THSD7B: variants seen among roughly 807,000 people sequenced by gnomAD.
The protein encoded by THSD7B is thrombospondin type-1 domain-containing protein 7B.
Under a neutral mutation model 213.6 loss-of-function variants are expected in THSD7B, and 138 were observed. The ratio of observed to expected loss-of-function variants is 0.65; its 90% CI spans 0.56 to 0.74. The LOEUF (loss-of-function observed/expected upper bound fraction) is 0.74. Among genes scored for constraint, THSD7B ranks in the 30% least tolerant of loss-of-function variants. THSD7B has a pLI of 0.00. For synonymous variants in THSD7B, 742 were observed against 687.0 expected (o/e 1.08, Z -1.25); for missense variants, 1,931 against 1,991.5 (o/e 0.97, Z 0.58).
intron 12 of THSD7B, among the ~76,000 whole-genome samples, chr2:137,332,138 G>T (rs1050579609): frequency 9.2e-5 from 14 of 152,072 alleles, no homozygotes; most frequent in African/African-American, 3.1e-4. Context: ...GCGAGCGAGG[G>T]CTATGAGGAC....
At chr2:137,175,502 T>G (rs777184061) in intron 7 of THSD7B, among the ~76,000 whole-genome samples, 18 of 152,234 alleles carry the variant, frequency 1.2e-4, no homozygotes, top group Non-Finnish European at 2.2e-4. Flanking sequence ...GCATTTTCCA[T>G]GCAAATATTT....
intron 15 of THSD7B, among the ~76,000 whole-genome samples, chr2:137,497,855 A>G (rs1289507601): frequency 6.6e-6 from 1 of 152,174 alleles, no homozygotes; most frequent in Non-Finnish European, 1.5e-5. Context: ...AGGGTAAACT[A>G]ATATTGGTTT....
chr2:137,452,067 A>T lies in THSD7B; in HGVS notation c.3138+1044A>T, dbSNP rs958944710. On this transcript the variant is annotated intron_variant, in intron 15 of 27. Coordinates refer to ENST00000409968, the MANE Select transcript of THSD7B (RefSeq NM_001316349.2). ...AGACTTGAATATCATGTATCAATTC[A>T]AGACCAATCTCTTTAGCTATTTTTT... The T allele has an allele frequency of 6.3e-6, 6 of 947,100 alleles. No homozygotes were observed. The East Asian group carries it at 4.6e-4, about 73-fold the overall frequency. The allele number at this position is 947,100 out of a possible 1,614,324, so 58.7% of individuals were successfully genotyped here. A position where few individuals can be genotyped will look rare whatever the true frequency, so the allele number is the denominator to read the frequency against.
chr2:137,669,439 T>TC (rs1032048398), intron 27 of THSD7B, among the ~76,000 whole-genome samples: 3 of 151,736 alleles, frequency 2.0e-5, no homozygotes, highest in Non-Finnish European at 2.9e-5. Context: ...TAGAATCAAT[T>TC]TTTTTTTTAC....
chr2:136,949,009 T>TAG (rs1684990185), intron 2 of THSD7B, among the ~76,000 whole-genome samples: 1 of 152,232 alleles, frequency 6.6e-6, no homozygotes, highest in South Asian at 2.1e-4. Flanking sequence ...GGTCTCACTC[T>TAG]GTTTCCTAGG....
At chr2:137,258,502 A>G (rs1002835329) in intron 10 of THSD7B, among the ~76,000 whole-genome samples, 1 of 152,010 alleles carries the variant, frequency 6.6e-6, no homozygotes, top group African/African-American at 2.4e-5. Context: ...ATATTACATT[A>G]GATGACCCCC....
chr2:137,244,282 A>C (rs1681975688), intron 10 of THSD7B, among the ~76,000 whole-genome samples: 1 of 152,208 alleles, frequency 6.6e-6, no homozygotes, highest in African/African-American at 2.4e-5. Context: ...TTAGCTTCTT[A>C]TTCATGAGAG....
intron 2 of THSD7B, among the ~76,000 whole-genome samples, chr2:136,898,419 G>A (rs567631042): frequency 7.9e-5 from 12 of 152,072 alleles, no homozygotes; most frequent in South Asian, 4.2e-4. Flanking sequence ...TGATCTGCCC[G>A]CCTCCGTCTT....
At chr2:137,444,413 A>AT (rs1285475522) in intron 14 of THSD7B, among the ~76,000 whole-genome samples, 1 of 151,984 alleles carries the variant, frequency 6.6e-6, no homozygotes, top group African/African-American at 2.4e-5. Context: ...TAATTTTGCA[A>AT]TTTTTTCTTC....
intron 14 of THSD7B, among the ~76,000 whole-genome samples, chr2:137,429,663 G>C (rs999876663): frequency 6.6e-6 from 1 of 152,160 alleles, no homozygotes; most frequent in Non-Finnish European, 1.5e-5. Flanking sequence ...TATAAACAGC[G>C]TCTCAGAATA....
intron 11 of THSD7B, among the ~76,000 whole-genome samples, chr2:137,274,026 A>G (rs1040794143): frequency 6.6e-5 from 10 of 152,100 alleles, no homozygotes; most frequent in African/African-American, 2.4e-4. Context: ...TTGCACTTCA[A>G]TTTAGCTACT....
intron 14 of THSD7B, among the ~76,000 whole-genome samples, chr2:137,432,826 T>G (rs771841612): frequency 5.3e-5 from 8 of 152,148 alleles, no homozygotes; most frequent in Non-Finnish European, 7.4e-5. Context: ...TCAAGAAGCC[T>G]TTTCCTCAAC....
chr2:137,004,689 C>T (rs16837812), intron 2 of THSD7B, among the ~76,000 whole-genome samples: 8,619 of 152,150 alleles, frequency 0.057, 347 homozygotes, highest in East Asian at 0.12. Context: ...ATCTCAAATT[C>T]GGGTAAAATA....
chr2:137,196,161 A>G (rs1207236059), intron 7 of THSD7B, among the ~76,000 whole-genome samples: 1 of 152,170 alleles, frequency 6.6e-6, no homozygotes, highest in Non-Finnish European at 1.5e-5. Context: ...TATAAAATCA[A>G]AGAGAGACTT....
intron 6 of THSD7B, among the ~76,000 whole-genome samples, chr2:137,168,935 A>G (rs1392684731): frequency 6.6e-6 from 1 of 152,140 alleles, no homozygotes; most frequent in Admixed American, 6.5e-5. Flanking sequence ...TTAGGAAGCA[A>G]TATGAGCCCT....
At chr2:137,113,598 G>T (rs933190593) in intron 4 of THSD7B, among the ~76,000 whole-genome samples, 1 of 152,052 alleles carries the variant, frequency 6.6e-6, no homozygotes, top group Non-Finnish European at 1.5e-5. Context: ...CACCACATCC[G>T]GCTAATTTGG....
At chr2:137,221,130 T>C (rs539110326) in intron 7 of THSD7B, among the ~76,000 whole-genome samples, 1 of 152,040 alleles carries the variant, frequency 6.6e-6, no homozygotes, top group East Asian at 1.9e-4. Flanking sequence ...CTCTTAAAAA[T>C]ACAAAAATTA....
chr2:136,984,017 C>T (rs935225262), intron 2 of THSD7B, among the ~76,000 whole-genome samples: 2 of 152,084 alleles, frequency 1.3e-5, no homozygotes, highest in Non-Finnish European at 2.9e-5. Flanking sequence ...TAGTAACTCT[C>T]AAATGGGGAA....
At chr2:136,968,568 C>T (rs1020628017) in intron 2 of THSD7B, among the ~76,000 whole-genome samples, 2 of 152,002 alleles carry the variant, frequency 1.3e-5, no homozygotes, top group Non-Finnish European at 2.9e-5. Flanking sequence ...TCTGTATTTT[C>T]GCTTTCCTTG....
Sources: gnomAD v4.1 joint callset for allele counts (sites outside exome capture counted in the v4.1 genomes callset) on GRCh38, gnomAD v4.1.1 for gene constraint, MANE v1.5 for transcripts, NCBI Gene and HGNC (gene_info 2026-07-23, HGNC 2026-07-21) for gene names.